The following AADAT variants were observed in gnomAD, a reference collection of about 807,000 sequenced individuals.
AADAT encodes kynurenine/alpha-aminoadipate aminotransferase, mitochondrial.
In AADAT, 25 loss-of-function variants were observed where a neutral mutation model predicts 56.2. The observed-to-expected ratio is 0.44, with a 90% CI of 0.32 to 0.62. AADAT has a LOEUF of 0.62. AADAT is among the 20% of genes least tolerant of loss of function. The pLI, the probability that AADAT is intolerant of heterozygous loss-of-function variation, is 0.04. For missense variants in AADAT, 387 were observed against 510.5 expected, an observed-to-expected ratio of 0.76 and a Z score of 2.33; for synonymous variants, 173 against 164.7, an observed-to-expected ratio of 1.05 and a Z score of -0.39.
At chr4:170,085,773 G>T (rs80004316) in intron 3 of AADAT, among the ~76,000 whole-genome samples, 4,254 of 152,010 alleles carry the variant, frequency 0.028, 201 homozygotes, top group African/African-American at 0.098. Context: ...AAAAGGGTAA[G>T]TTTTTTTAAT....
chr4:170,093,984 C>A (rs1046509492), upstream of AADAT, among the ~76,000 whole-genome samples: 5 of 152,166 alleles, frequency 3.3e-5, no homozygotes, highest in Non-Finnish European at 5.9e-5. Context: ...GGAAGCCAAA[C>A]TGAAGAGCTG....
intron 2 of AADAT, 31 bp downstream of exon 2, chr4:170,088,365 C>A: frequency 6.5e-7 from 1 of 1,532,884 alleles, no homozygotes; most frequent in Middle Eastern, 1.7e-4. Context: ...GAAAATAAGC[C>A]AATAAAATTA....
chr4:170,067,913 T>TG (rs1731555820), intron 8 of AADAT, among the ~76,000 whole-genome samples: 1 of 151,932 alleles, frequency 6.6e-6, no homozygotes, highest in Non-Finnish European at 1.5e-5. Context: ...CCAACAGGGG[T>TG]GGATCACCAG....
intron 3 of AADAT, among the ~76,000 whole-genome samples, chr4:170,081,741 T>C (rs1189704097): frequency 6.6e-6 from 1 of 152,154 alleles, no homozygotes; most frequent in Non-Finnish European, 1.5e-5. Flanking sequence ...GGCCTCGCTA[T>C]GTTAACCAGG....
chr4:170,089,962 C>T (rs1008815859), upstream of AADAT: 2 of 264,778 alleles, frequency 7.6e-6, no homozygotes, highest in African/African-American at 2.3e-5. Context: ...CTCCTGCGGC[C>T]GCCAGGGCCC....
chr4:170,082,745 C>T (rs1732377084), intron 3 of AADAT, among the ~76,000 whole-genome samples: 2 of 151,924 alleles, frequency 1.3e-5, no homozygotes, highest in Non-Finnish European at 2.9e-5. Context: ...AAACATATTC[C>T]ATGGAATTGG....
At chr4:170,092,395 C>T (rs549171619), upstream of AADAT, among the ~76,000 whole-genome samples, 13 of 152,366 alleles carry the variant, frequency 8.5e-5, no homozygotes, top group African/African-American at 3.1e-4. Flanking sequence ...CCGCCAAAGT[C>T]TGCAGCTTCA....
Position 170,072,145 on chromosome 4 carries a change from G to A in AADAT, c.654+991C>T, listed in dbSNP as rs573363661. 1.5e-3 allele frequency among the ~76,000 whole-genome samples: 223 copies of A among 152,220 alleles called. 2 individuals are homozygous for A. Among genetic ancestry groups the A allele is most frequent in the Non-Finnish European group, 2.7e-3 (184 of 68,020 alleles). On this transcript the variant is annotated intron_variant, in intron 5 of 12. Transcript: ENST00000337664. ...GCTACGAAACTGGACAAGGCTGTCT[G>A]GTGAGTATGTAAACAGAGAAGAGAA...
At chr4:170,076,304 G>C (rs934997600) in intron 4 of AADAT, among the ~76,000 whole-genome samples, 22 of 151,928 alleles carry the variant, frequency 1.4e-4, no homozygotes, top group Non-Finnish European at 3.1e-4. Flanking sequence ...CAGTAGTTTT[G>C]ATTTGCTTTT....
At chr4:170,087,315 A>G in intron 2 of AADAT, 67 bp from the exon 3 acceptor site, 1 of 1,455,736 alleles carries the variant, frequency 6.9e-7, no homozygotes, top group Non-Finnish European at 9.4e-7. Flanking sequence ...TAGACAGGAA[A>G]TAATAAATGA....
chr4:170,083,436 A>C (rs1732410007), intron 3 of AADAT, among the ~76,000 whole-genome samples: 1 of 152,114 alleles, frequency 6.6e-6, no homozygotes, highest in Non-Finnish European at 1.5e-5. Context: ...AAGTAGAAAG[A>C]CTTCAAATTA....
chr4:170,061,861 A>C (rs1332284238), intron 12 of AADAT, 31 bp downstream of exon 12: 7 of 1,499,308 alleles, frequency 4.7e-6, no homozygotes, highest in Middle Eastern at 1.7e-4. Flanking sequence ...ACTGCTAGCT[A>C]GTGTTACTCT....
intron 1 of AADAT, 80 bp from the exon 2 acceptor site, chr4:170,088,644 T>C: frequency 7.2e-7 from 1 of 1,397,656 alleles, no homozygotes. Flanking sequence ...TTATAGTCAA[T>C]AAAACTATAA....
intron 5 of AADAT, among the ~76,000 whole-genome samples, chr4:170,071,933 T>C (rs1188876712): frequency 6.6e-6 from 1 of 152,148 alleles, no homozygotes; most frequent in Non-Finnish European, 1.5e-5. Context: ...TGAGAGGCTG[T>C]AGATCAGAGG....
chr4:170,062,224 TTCTCAAAACATCAGGAA>T (rs1225072049), intron 11 of AADAT, among the ~76,000 whole-genome samples: 1 of 152,206 alleles, frequency 6.6e-6, no homozygotes, highest in East Asian at 1.9e-4. Context: ...ATGCTATCTC[TTCTCAAAACATCAGGAA>T]TACACGAAAA....
chr4:170,066,866 T>C (rs1424654915), intron 9 of AADAT, among the ~76,000 whole-genome samples: 1 of 152,176 alleles, frequency 6.6e-6, no homozygotes, highest in Non-Finnish European at 1.5e-5. Flanking sequence ...TCCTTATTTC[T>C]AAATGTCCTA....
Position 170,069,197 on chromosome 4 carries a change from C to G in AADAT, c.754G>C (p.Asp252His). ...GAGTCAGCTCTGATGACACGTCCAT[C>G]AACATCCATGGAAAGAAATGTTGGT... Reference protein sequence around the residue: ...RVPTFLSMDVDGRVIRADSFS... With the variant: ...RVPTFLSMDVHGRVIRADSFS... The change falls in exon 7 of 13, where the codon GAT (aspartate) becomes CAT (histidine). Residue 252 changes from aspartate to histidine, a missense_variant. Asp to His is a moderately conservative substitution (Grantham distance 81). Transcript: ENST00000337664. 1 of 1,613,896 alleles carries G rather than the reference C, an allele frequency of 6.2e-7. No homozygotes were observed. The highest frequency in any genetic ancestry group is 8.5e-7 in the Non-Finnish European group (1 of 1,179,922).
At chr4:170,087,004 A>G in intron 3 of AADAT, 112 bp downstream of exon 3, 1 of 1,414,770 alleles carries the variant, frequency 7.1e-7, no homozygotes, top group Non-Finnish European at 9.7e-7. Flanking sequence ...TGAAGACAAG[A>G]AAGACTACCA....
At position 170,062,008 on chromosome 4, in the gene AADAT, G is replaced by A. The variant is rs1416324408; in HGVS notation, c.1135-15C>T. 4 of 1,573,286 alleles carry A rather than the reference G, an allele frequency of 2.5e-6. No individual in the cohort carries two copies. The highest frequency in any genetic ancestry group is 8.7e-7 in the Non-Finnish European group (1 of 1,145,540). On this transcript the variant is annotated splice_polypyrimidine_tract_variant and intron_variant, in intron 11 of 12. Coordinates refer to ENST00000337664, the MANE Select transcript of AADAT (RefSeq NM_016228.4). ...AGCATTAATACCTAAGAGAGTTTGT[G>A]GAAGATAAGTAATGTACCACTAAAG... is the stretch of plus-strand genomic sequence containing the variant.
Sources: gnomAD v4.1 joint callset for allele counts (sites outside exome capture counted in the v4.1 genomes callset) on GRCh38, gnomAD v4.1.1 for gene constraint, MANE v1.5 for transcripts, NCBI Gene and HGNC (gene_info 2026-07-23, HGNC 2026-07-21) for gene names.